Variants in LRRC4C observed in about 807,000 individuals in gnomAD.
The protein encoded by LRRC4C is leucine-rich repeat-containing protein 4C.
In LRRC4C, 5 loss-of-function variants were observed where a neutral mutation model predicts 33.6. That is an observed-to-expected ratio of 0.15 (90% CI 0.08 to 0.31). LRRC4C has a LOEUF of 0.31. LRRC4C is among the 10% of genes least tolerant of loss of function. The pLI, the probability that LRRC4C is intolerant of heterozygous loss-of-function variation, is 1.00. For missense variants in LRRC4C, 560 were observed against 796.7 expected, an observed-to-expected ratio of 0.70 and a Z score of 3.58; for synonymous variants, 329 against 302.0, an observed-to-expected ratio of 1.09 and a Z score of -0.93.
intron 2 of LRRC4C, among the ~76,000 whole-genome samples, chr11:40,688,811 G>A (rs1447214669): frequency 3.9e-5 from 6 of 152,092 alleles, no homozygotes; most frequent in Admixed American, 1.3e-4. Flanking sequence ...AACCACAGTG[G>A]CTTTCAAGTG....
intron 1 of LRRC4C, among the ~76,000 whole-genome samples, chr11:41,412,848 T>C (rs1275967058): frequency 6.6e-6 from 1 of 152,146 alleles, no homozygotes; most frequent in African/African-American, 2.4e-5. Flanking sequence ...GAATGAACTC[T>C]CAAAGAGACA....
At chr11:40,156,467 G>C (rs1164853817) in intron 5 of LRRC4C, among the ~76,000 whole-genome samples, 3 of 151,992 alleles carry the variant, frequency 2.0e-5, no homozygotes, top group Non-Finnish European at 4.4e-5. Context: ...CATCCAGAAA[G>C]CTCCTAGAAC....
In LRRC4C at chr11:40,679,858, G is replaced by A. The variant is rs557373931; in HGVS notation, c.-406-31580C>T. ...GATCCCCCACACATAATCCCTACTG[G>A]GGTACTGCCTAGTGAACTGTGAGAA... is the stretch of plus-strand genomic sequence containing the variant. On this transcript the variant is annotated intron_variant, in intron 2 of 6. Transcript: ENST00000528697. Among the ~76,000 whole-genome samples the A allele has an allele frequency of 5.9e-5, 9 of 152,258 alleles. No individual in the cohort carries two copies. In the South Asian group the frequency reaches 1.9e-3, roughly 32 times the overall value.
At chr11:40,602,045 T>A (rs1429764334) in intron 3 of LRRC4C, among the ~76,000 whole-genome samples, 5 of 139,088 alleles carry the variant, frequency 3.6e-5, no homozygotes, top group Admixed American at 7.2e-5. Flanking sequence ...AAAAAAAAAA[T>A]TTAGCTGGGT....
At chr11:41,268,543 C>T (rs1949223876) in intron 1 of LRRC4C, among the ~76,000 whole-genome samples, 1 of 152,074 alleles carries the variant, frequency 6.6e-6, no homozygotes, top group South Asian at 2.1e-4. Context: ...TATTTTCAAA[C>T]TTTATTTTTA....
At chr11:41,204,308 C>T (rs2902115) in intron 1 of LRRC4C, among the ~76,000 whole-genome samples, 65,840 of 152,076 alleles carry the variant, frequency 0.43, 16,778 homozygotes, top group South Asian at 0.63. Context: ...AGCTTGGCAC[C>T]AGCCTACTGA....
intron 3 of LRRC4C, among the ~76,000 whole-genome samples, chr11:40,416,664 T>G (rs1033298126): frequency 1.3e-5 from 2 of 152,184 alleles, no homozygotes; most frequent in Admixed American, 1.3e-4. Flanking sequence ...TTGCTGACAT[T>G]ACCTTTTTGG....
chr11:40,268,837 T>G (rs1413876139), intron 4 of LRRC4C, among the ~76,000 whole-genome samples: 2 of 152,166 alleles, frequency 1.3e-5, no homozygotes, highest in Non-Finnish European at 2.9e-5. Context: ...GCACCCATAC[T>G]GATAATTTTA....
In LRRC4C at chr11:41,021,214, AGT is replaced by A. The variant is rs540703685; in HGVS notation, c.-495-87493_-495-87492del. Among the ~76,000 whole-genome samples, 143 of 134,030 alleles carry A rather than the reference AGT, an allele frequency of 1.1e-3. 2 individuals are homozygous for A. Among genetic ancestry groups the A allele is most frequent in the African/African-American group, 3.7e-3 (129 of 34,758 alleles). 87.9% of individuals were successfully genotyped at this position (134,030 alleles called of 152,430 possible). The stretch of plus-strand genomic sequence containing the variant: ...GAGAGAGAGAGAGAGAGAGAGAGAG[AGT>A]GTGTGTGTGTGTGTGTTTAAGAAAA... On this transcript the variant is annotated intron_variant, in intron 1 of 6. Coordinates refer to ENST00000528697, the MANE Select transcript of LRRC4C (RefSeq NM_001258419.2).
At chr11:41,051,520 C>CAAAAAAA (rs530003573) in intron 1 of LRRC4C, among the ~76,000 whole-genome samples, 3,247 of 60,230 alleles carry the variant, frequency 0.054, 544 homozygotes, top group Admixed American at 0.067. Context: ...GGTCTCAAGG[C>CAAAAAAA]AAAAAAAAAA....
At chr11:40,935,089 C>T (rs11036152) in intron 1 of LRRC4C, among the ~76,000 whole-genome samples, 36,070 of 152,032 alleles carry the variant, frequency 0.24, 4,857 homozygotes, top group East Asian at 0.34. Flanking sequence ...GTTCTCCTCC[C>T]ATTAAGCAAG....
At chr11:40,760,144 C>T (rs1007714413) in intron 2 of LRRC4C, among the ~76,000 whole-genome samples, 1 of 151,726 alleles carries the variant, frequency 6.6e-6, no homozygotes, top group Non-Finnish European at 1.5e-5. Context: ...AGTTCACTGC[C>T]TGTTTTTGTA....
intron 1 of LRRC4C, among the ~76,000 whole-genome samples, chr11:41,276,571 C>T (rs1949492006): frequency 6.6e-6 from 1 of 152,120 alleles, no homozygotes; most frequent in Non-Finnish European, 1.5e-5. Flanking sequence ...TGAAATCATT[C>T]TCTTCTTTGT....
rs1226775437 is a variant in LRRC4C, at chr11:40,404,620, G to A, written c.-269-84899C>T. Among the ~76,000 whole-genome samples, 4 of 151,936 alleles carry A rather than the reference G, an allele frequency of 2.6e-5. No homozygotes were observed. In the East Asian group the frequency reaches 7.8e-4, roughly 30 times the overall value. ...TGCCCACTTTTTCTTTTTTGCAAGAGCCTCCCATCTGGTAGCCCTGTCTTC... is the reference window on the plus strand; with the variant it reads ...TGCCCACTTTTTCTTTTTTGCAAGAACCTCCCATCTGGTAGCCCTGTCTTC... On this transcript the variant is annotated intron_variant, in intron 3 of 6. Transcript: ENST00000528697.
chr11:40,672,687 T>C (rs889761960), intron 2 of LRRC4C, among the ~76,000 whole-genome samples: 3 of 152,322 alleles, frequency 2.0e-5, no homozygotes, highest in Admixed American at 6.5e-5. Context: ...TAATCTCTCA[T>C]CTTATTCTCG....
rs182958788 is a variant in LRRC4C at position 41,116,597 on chromosome 11, G to A, written c.-495-182874C>T. On this transcript the variant is annotated intron_variant, in intron 1 of 6. Transcript: ENST00000528697. ...TTTCCAAAACAATAGTATTTACTAC[G>A]GTCATTTTGGAGAAAGAGTAAAATG... Among the ~76,000 whole-genome samples, 9 of 152,040 alleles carry A rather than the reference G, an allele frequency of 5.9e-5. No individual in the cohort carries two copies. The East Asian group carries it at 7.7e-4, about 13-fold the overall frequency.
rs557858552 is a variant in LRRC4C, at chr11:41,013,908, CA to C, written c.-495-80186del. Among the ~76,000 whole-genome samples the C allele has an allele frequency of 7.9e-5, 12 of 152,194 alleles. No homozygotes were observed. The East Asian group carries it at 2.3e-3, about 30-fold the overall frequency. On this transcript the variant is annotated intron_variant, in intron 1 of 6. Coordinates refer to ENST00000528697, the MANE Select transcript of LRRC4C (RefSeq NM_001258419.2). Reference sequence around the variant, plus strand: ...GAGGGAGAGAGATGGAGGTGCTACACACTTTTAAACAACCAGATCTTGAGAG... The same window carrying C: ...GAGGGAGAGAGATGGAGGTGCTACACCTTTTAAACAACCAGATCTTGAGAG...
intron 1 of LRRC4C, among the ~76,000 whole-genome samples, chr11:41,422,518 G>T (rs1356549493): frequency 1.3e-5 from 2 of 151,806 alleles, no homozygotes; most frequent in Non-Finnish European, 2.9e-5. Flanking sequence ...TGGATTAAAA[G>T]TCAAAATGCT....
intron 3 of LRRC4C, among the ~76,000 whole-genome samples, chr11:40,622,207 A>G (rs1053122015): frequency 6.6e-6 from 1 of 151,892 alleles, no homozygotes; most frequent in African/African-American, 2.4e-5. Flanking sequence ...TTTGGATTGT[A>G]TTTTTATATT....
Sources: gnomAD v4.1 joint callset for allele counts (sites outside exome capture counted in the v4.1 genomes callset) on GRCh38, gnomAD v4.1.1 for gene constraint, MANE v1.5 for transcripts, NCBI Gene and HGNC (gene_info 2026-07-23, HGNC 2026-07-21) for gene names.